Variants in TOX observed in about 807,000 individuals in gnomAD.
TOX encodes the protein thymocyte selection-associated high mobility group box protein TOX.
Under a neutral mutation model 53.7 loss-of-function variants are expected in TOX, and 11 were observed. The ratio of observed to expected loss-of-function variants is 0.20; its 90% CI spans 0.13 to 0.34. The LOEUF is 0.34. Among genes scored for constraint, TOX ranks in the 10% least tolerant of loss-of-function variants. The probability of loss-of-function intolerance (pLI) is 1.00; values close to 1 mark genes in which losing one functional copy is unlikely to be tolerated. For synonymous variants in TOX, 225 were observed against 245.3 expected, an observed-to-expected ratio of 0.92 and a Z score of 0.77; for missense variants, 570 against 664.6, an observed-to-expected ratio of 0.86 and a Z score of 1.56.
At chr8:58,982,467 G>A (rs1271666728) in intron 1 of TOX, among the ~76,000 whole-genome samples, 1 of 152,176 alleles carries the variant, frequency 6.6e-6, no homozygotes, top group Non-Finnish European at 1.5e-5. Context: ...AGTTGATTGT[G>A]TTCAAGGCTC....
intron 1 of TOX, among the ~76,000 whole-genome samples, chr8:59,023,694 A>C (rs928202515): frequency 6.6e-6 from 1 of 152,246 alleles, no homozygotes; most frequent in African/African-American, 2.4e-5. Context: ...AAGTAAATGC[A>C]TTTCACTTCT....
intron 3 of TOX, among the ~76,000 whole-genome samples, chr8:58,921,999 T>C (rs1812082876): frequency 6.6e-6 from 1 of 152,226 alleles, no homozygotes; most frequent in Non-Finnish European, 1.5e-5. Context: ...AATTGTGTAT[T>C]ACTATCTTGG....
chr8:59,047,276 G>C (rs1433085565), intron 1 of TOX, among the ~76,000 whole-genome samples: 1 of 137,230 alleles, frequency 7.3e-6, no homozygotes, highest in Non-Finnish European at 1.5e-5. Context: ...GAGTGCAGTG[G>C]CACGATCTCG....
intron 3 of TOX, among the ~76,000 whole-genome samples, chr8:58,880,899 C>A (rs1811373170): frequency 6.6e-6 from 1 of 152,158 alleles, no homozygotes; most frequent in East Asian, 1.9e-4. Context: ...TGAATAGCTA[C>A]ATGAAGATGT....
At chr8:58,879,040 G>A (rs1226294513) in intron 3 of TOX, among the ~76,000 whole-genome samples, 2 of 132,584 alleles carry the variant, frequency 1.5e-5, no homozygotes, top group African/African-American at 3.1e-5. Flanking sequence ...CAGCCTAGGC[G>A]ACAAAGCAAG....
intron 3 of TOX, among the ~76,000 whole-genome samples, chr8:58,869,969 T>C (rs763869833): frequency 3.1e-4 from 47 of 152,058 alleles, no homozygotes; most frequent in Admixed American, 1.3e-4. Context: ...GTTGATATCA[T>C]ACTTAATGGT....
intron 1 of TOX, among the ~76,000 whole-genome samples, chr8:59,085,682 C>G (rs1804494794): frequency 6.6e-6 from 1 of 152,198 alleles, no homozygotes; most frequent in Non-Finnish European, 1.5e-5. Context: ...GCCACTGTGC[C>G]CAGCCTAAAA....
At chr8:58,828,763 T>A (rs188256649) in intron 5 of TOX, among the ~76,000 whole-genome samples, 2 of 152,290 alleles carry the variant, frequency 1.3e-5, no homozygotes, top group Non-Finnish European at 2.9e-5. Flanking sequence ...CTTAAAGCTC[T>A]TCTCAAAGAC....
intron 4 of TOX, among the ~76,000 whole-genome samples, chr8:58,842,040 A>C (rs1810653652): frequency 6.6e-6 from 1 of 152,228 alleles, no homozygotes; most frequent in Non-Finnish European, 1.5e-5. Context: ...CATGCAATTT[A>C]AATGCTCTTA....
intron 1 of TOX, among the ~76,000 whole-genome samples, chr8:59,024,097 A>G (rs1360006299): frequency 6.6e-6 from 1 of 152,190 alleles, no homozygotes; most frequent in African/African-American, 2.4e-5. Flanking sequence ...CCTTCTCTGA[A>G]TCTGTGTCTT....
chr8:58,880,815 T>C (rs1214418271), intron 3 of TOX, among the ~76,000 whole-genome samples: 3 of 152,170 alleles, frequency 2.0e-5, no homozygotes, highest in African/African-American at 7.2e-5. Context: ...GAAGAAGCAA[T>C]TGGATTTATT....
intron 1 of TOX, among the ~76,000 whole-genome samples, chr8:58,974,914 C>T (rs563346374): frequency 5.9e-5 from 9 of 151,986 alleles, no homozygotes; most frequent in African/African-American, 1.9e-4. Flanking sequence ...ATGTTCCATA[C>T]GGTTCTTAGG....
At chr8:58,867,395 C>T (rs555116638) in intron 3 of TOX, among the ~76,000 whole-genome samples, 1 of 152,286 alleles carries the variant, frequency 6.6e-6, no homozygotes, top group Non-Finnish European at 1.5e-5. Flanking sequence ...AGGCGCTGTC[C>T]CCATTCTGGG....
chr8:58,845,165 C>T (rs1810702031), intron 4 of TOX, among the ~76,000 whole-genome samples: 1 of 152,080 alleles, frequency 6.6e-6, no homozygotes, highest in South Asian at 2.1e-4. Context: ...AAATAAACTG[C>T]CGCGGTCCCA....
intron 1 of TOX, among the ~76,000 whole-genome samples, chr8:59,090,355 T>C (rs999480390): frequency 6.6e-6 from 1 of 152,176 alleles, no homozygotes; most frequent in African/African-American, 2.4e-5. Flanking sequence ...TAAGAGCCCT[T>C]TGGTAGAACT....
At chr8:59,100,535 G>A (rs1430669808) in intron 1 of TOX, among the ~76,000 whole-genome samples, 1 of 152,116 alleles carries the variant, frequency 6.6e-6, no homozygotes, top group Non-Finnish European at 1.5e-5. Flanking sequence ...ATTGCAGTCT[G>A]GTTCCATACC....
chr8:58,905,115 T>C (rs1483520048), intron 3 of TOX, among the ~76,000 whole-genome samples: 1 of 152,116 alleles, frequency 6.6e-6, no homozygotes, highest in Non-Finnish European at 1.5e-5. Context: ...GTATTTTTAG[T>C]AGAGACGGGG....
chr8:59,053,538 C>A (rs566607499), intron 1 of TOX, among the ~76,000 whole-genome samples: 13 of 152,282 alleles, frequency 8.5e-5, no homozygotes, highest in African/African-American at 3.1e-4. Flanking sequence ...TATCCAGAAA[C>A]GTAGTCTTTA....
chr8:58,810,779 G>A (rs1007835127), intron 7 of TOX, among the ~76,000 whole-genome samples: 1 of 151,848 alleles, frequency 6.6e-6, no homozygotes, highest in Non-Finnish European at 1.5e-5. Flanking sequence ...CAAAACACAA[G>A]CACAAACAAA....
Sources: gnomAD v4.1 joint callset for allele counts (sites outside exome capture counted in the v4.1 genomes callset) on GRCh38, gnomAD v4.1.1 for gene constraint, MANE v1.5 for transcripts, NCBI Gene and HGNC (gene_info 2026-07-23, HGNC 2026-07-21) for gene names.